NF1: variants seen among roughly 807,000 people sequenced by gnomAD.
NF1 encodes neurofibromin 1.
A neutral mutation model predicts 325.7 loss-of-function variants in NF1; 122 were observed. That is an observed-to-expected ratio of 0.37 (90% CI 0.32 to 0.44). NF1 has a LOEUF of 0.44. Among genes scored for constraint, NF1 ranks in the 20% least tolerant of loss-of-function variants. The probability of loss-of-function intolerance (pLI) is 1.00; values close to 1 mark genes in which losing one functional copy is unlikely to be tolerated. For synonymous variants in NF1, 1,091 were observed against 1,186.0 expected (o/e 0.92, Z 1.65); for missense variants, 2,140 against 3,415.4 (o/e 0.63, Z 9.31).
intron 36 of NF1, among the ~76,000 whole-genome samples, chr17:31,279,051 C>G (rs2068068689): frequency 6.6e-6 from 1 of 152,064 alleles, no homozygotes; most frequent in Non-Finnish European, 1.5e-5. Flanking sequence ...CCAGCCTGGG[C>G]AACATCATGA....
chr17:31,126,405 T>A (rs941453048), intron 1 of NF1, among the ~76,000 whole-genome samples: 2 of 152,128 alleles, frequency 1.3e-5, no homozygotes, highest in African/African-American at 2.4e-5. Context: ...ATTGTTTAAT[T>A]TTTCCTGATT....
rs982050426 is a variant in NF1, at chr17:31,375,569, AAG to A, written c.*1416_*1417del. 1.7e-5 allele frequency: 4 copies of A among 232,400 alleles called. No individual in the cohort carries two copies. The highest frequency in any genetic ancestry group is 8.8e-5 in the African/African-American group (4 of 45,302). The allele number at this position is 232,400 out of a possible 1,614,324, so 14.4% of individuals were successfully genotyped here. ...AGAACTAAACCATATTTATTACAAAAAGATATTAATCCCTCTACTCCCAGGTT... is the reference window on the plus strand; with the variant it reads ...AGAACTAAACCATATTTATTACAAAAATATTAATCCCTCTACTCCCAGGTT... On this transcript the variant is annotated 3_prime_UTR_variant, in exon 58 of 58. Transcript: ENST00000358273.
At chr17:31,146,412 C>T (rs1012652105) in intron 1 of NF1, among the ~76,000 whole-genome samples, 5 of 67,904 alleles carry the variant, frequency 7.4e-5, no homozygotes, top group Non-Finnish European at 1.2e-4. Context: ...TCTGTCTGTC[C>T]ATCCATCCAT....
intron 1 of NF1, among the ~76,000 whole-genome samples, chr17:31,100,503 G>A (rs539831469): frequency 2.0e-5 from 3 of 152,034 alleles, no homozygotes; most frequent in Admixed American, 6.6e-5. Flanking sequence ...GTGCTGAATC[G>A]AGCACAATAA....
chr17:31,370,201 AG>A (rs898242785), intron 57 of NF1, among the ~76,000 whole-genome samples: 1 of 152,218 alleles, frequency 6.6e-6, no homozygotes, highest in Non-Finnish European at 1.5e-5. Context: ...AATGAATTTG[AG>A]AAAAGAAGTA....
intron 1 of NF1, among the ~76,000 whole-genome samples, chr17:31,139,446 G>A (rs148322483): frequency 7.9e-5 from 12 of 151,758 alleles, no homozygotes; most frequent in Non-Finnish European, 1.5e-4. Context: ...TCAGTTGATC[G>A]TGGTAATCAT....
chr17:31,351,102 T>C (rs567264159), intron 50 of NF1, among the ~76,000 whole-genome samples: 3 of 151,790 alleles, frequency 2.0e-5, no homozygotes, highest in South Asian at 2.1e-4. Flanking sequence ...CTTTGAGATA[T>C]GCCCTTTTTG....
At chr17:31,278,493 C>CTTTTTTTTT (rs200450821) in intron 36 of NF1, among the ~76,000 whole-genome samples, 2 of 15,340 alleles carry the variant, frequency 1.3e-4, no homozygotes, top group South Asian at 6.4e-3. Context: ...GTAATTGAAG[C>CTTTTTTTTT]TTTTTTTTTT....
At chr17:31,123,099 A>C (rs1914575603) in intron 1 of NF1, among the ~76,000 whole-genome samples, 1 of 152,176 alleles carries the variant, frequency 6.6e-6, no homozygotes, top group Non-Finnish European at 1.5e-5. Context: ...GCCATTCAAA[A>C]ACTGTTTTCT....
intron 36 of NF1, chr17:31,278,365 CCCTTCT>C (rs1228989056): frequency 7.5e-5 from 11 of 146,586 alleles, no homozygotes; most frequent in Non-Finnish European, 1.2e-4. Context: ...GTCCAGTTTT[CCCTTCT>C]GTAATTTTTT....
Position 31,259,113 on chromosome 17 carries a change from T to G in NF1, c.4414T>G (p.Phe1472Val). ...RPFNDFVKSN[F>V]DAARRFFLDI... ...TTTCAATGATTTTGTGAAAAGCAAC[T>G]TTGATGCAGCACGCAGGTAATTTTC... The change falls in exon 33 of 58, where the codon TTT (phenylalanine) becomes GTT (valine). Residue 1472 changes from phenylalanine to valine, a missense_variant. This residue lies in a region of NF1 where 336 missense variants were observed against 399.0 expected (regional missense o/e 0.84). Transcript: ENST00000358273. 1 of 1,602,276 alleles carries G rather than the reference T, an allele frequency of 6.2e-7. No homozygotes were observed.
intron 29 of NF1, among the ~76,000 whole-genome samples, chr17:31,247,255 A>G (rs540068113): frequency 6.6e-6 from 1 of 152,288 alleles, no homozygotes; most frequent in East Asian, 1.9e-4. Context: ...AGAGCAGGAA[A>G]AAGTGACATC....
chr17:31,224,207 T>C (rs2066974869), intron 16 of NF1, among the ~76,000 whole-genome samples: 1 of 152,176 alleles, frequency 6.6e-6, no homozygotes, highest in Non-Finnish European at 1.5e-5. Flanking sequence ...AATGTTTTGA[T>C]TCTGAACTAT....
chr17:31,342,650 T>C (rs898911995), intron 47 of NF1, among the ~76,000 whole-genome samples: 2 of 152,156 alleles, frequency 1.3e-5, no homozygotes, highest in African/African-American at 2.4e-5. Context: ...ATTTTCATCT[T>C]CAAAACAGCC....
At position 31,337,531 on chromosome 17, in the gene NF1, T is replaced by C. The variant is rs1298866989; in HGVS notation, c.6591T>C (p.Phe2197=). Residue 2197 remains phenylalanine, a synonymous_variant, in exon 43 of 58, where the codon TTT becomes TTC. Transcript: ENST00000358273. The part of the protein sequence containing the change: ...FSPGSYERET[F]ALTSLETVTE... ...CTGGCTCCTATGAGAGAGAGACTTT[T>C]GCTTTGACATCCTTGGAAACAGTCA... 1.9e-6 allele frequency: 3 copies of C among 1,614,152 alleles called. No individual in the cohort carries two copies. Among genetic ancestry groups the C allele is most frequent in the African/African-American group, 1.3e-5 (1 of 75,070 alleles).
At chr17:31,200,881 C>G (rs1029627528) in intron 9 of NF1, among the ~76,000 whole-genome samples, 156 bp from the exon 10 acceptor site, 1 of 152,176 alleles carries the variant, frequency 6.6e-6, no homozygotes, top group African/African-American at 2.4e-5. Flanking sequence ...AGAATTGTAT[C>G]AGACTGATGA....
At chr17:31,221,809 G>A in intron 14 of NF1, 41 bp from the exon 15 acceptor site, 1 of 1,420,280 alleles carries the variant, frequency 7.0e-7, no homozygotes, top group African/African-American at 1.4e-5. Flanking sequence ...AAATGTTTGA[G>A]TGAGTCTTCT....
At chr17:31,243,193 T>TGTGTGTGTGTGTGTGTGTGTGTGTGG (rs957078715) in intron 29 of NF1, among the ~76,000 whole-genome samples, 26 of 151,418 alleles carry the variant, frequency 1.7e-4, no homozygotes, top group African/African-American at 5.6e-4. Flanking sequence ...TCTGTGTGTG[T>TGTGTGTGTGTGTGTGTGTGTGTGTGG]GTGTGTGTGT....
Position 31,327,792 on chromosome 17 carries a change from G to C in NF1, c.5562G>C (p.Leu1854=), listed in dbSNP as rs1373915908. The C allele has an allele frequency of 6.2e-7, 1 of 1,614,186 alleles. No homozygotes were observed. Among genetic ancestry groups the C allele is most frequent in the Non-Finnish European group, 8.5e-7 (1 of 1,180,030 alleles). The part of the protein sequence containing the change: ...KIRPKDVPGT[L]LNIALLNLGS... ...GGCCAAAAGATGTCCCTGGGACACT[G>C]CTCAATATCGCATTACTTAATTTAG... is the stretch of plus-strand genomic sequence containing the variant. Residue 1854 remains leucine, a synonymous_variant, in exon 38 of 58, where the codon CTG becomes CTC. Coordinates refer to ENST00000358273, the MANE Select transcript of NF1 (RefSeq NM_001042492.3).
Sources: gnomAD v4.1 joint callset for allele counts (sites outside exome capture counted in the v4.1 genomes callset) on GRCh38, gnomAD v4.1.1 for gene constraint, gnomAD v4.1.1 regional missense constraint, MANE v1.5 for transcripts, NCBI Gene and HGNC (gene_info 2026-07-23, HGNC 2026-07-21) for gene names.